Variants in PDE7B observed in about 807,000 individuals in gnomAD.
PDE7B encodes the protein phosphodiesterase 7B, also known as 3',5'-cyclic-AMP phosphodiesterase 7B.
PDE7B carries 29 observed loss-of-function variants against 56.2 expected under a neutral mutation model. The ratio of observed to expected loss-of-function variants is 0.52; its 90% CI spans 0.38 to 0.70. The LOEUF is 0.70. Among genes scored for constraint, PDE7B ranks in the 30% least tolerant of loss-of-function variants. PDE7B has a pLI of 0.00. For synonymous variants in PDE7B, 197 were observed against 196.9 expected (o/e 1.00, Z 0.00); for missense variants, 490 against 565.0 (o/e 0.87, Z 1.35).
chr6:136,136,050 T>G (rs557932690), intron 3 of PDE7B, among the ~76,000 whole-genome samples: 9 of 152,238 alleles, frequency 5.9e-5, no homozygotes, highest in African/African-American at 2.2e-4. Flanking sequence ...AAAATCCTCA[T>G]GTATGCTTTC....
chr6:135,919,398 A>T (rs955641284), intron 1 of PDE7B, among the ~76,000 whole-genome samples: 8 of 152,330 alleles, frequency 5.3e-5, no homozygotes, highest in Admixed American at 3.3e-4. Context: ...TTGCTAAGAA[A>T]AAAGAAATAT....
Position 136,116,266 on chromosome 6 carries a change from A to G in PDE7B, c.166+7452A>G, listed in dbSNP as rs73561327. Among the ~76,000 whole-genome samples, 968 of 152,352 alleles carry G rather than the reference A, an allele frequency of 6.4e-3. 6 individuals are homozygous for G. The highest frequency in any genetic ancestry group is 0.022 in the African/African-American group (896 of 41,582). ...GAGGACATAACGTCATTAAGTAGGA[A>G]GAAGGTCCAAAAAGTAGCAAATAAA... On this transcript the variant is annotated intron_variant, in intron 3 of 12. Coordinates refer to ENST00000308191, the MANE Select transcript of PDE7B (RefSeq NM_018945.4).
At chr6:135,886,741 C>T (rs9632502) in intron 1 of PDE7B, among the ~76,000 whole-genome samples, 18,559 of 152,090 alleles carry the variant, frequency 0.12, 2,644 homozygotes, top group African/African-American at 0.35. Context: ...TGTATATATA[C>T]TACATTTTCT....
chr6:136,041,089 T>G (rs576840576), intron 2 of PDE7B, among the ~76,000 whole-genome samples: 20 of 152,382 alleles, frequency 1.3e-4, no homozygotes, highest in African/African-American at 4.3e-4. Context: ...GATTTAACTT[T>G]TTTTAAACCA....
chr6:136,088,816 G>T (rs941601371), intron 2 of PDE7B, among the ~76,000 whole-genome samples: 4 of 152,208 alleles, frequency 2.6e-5, no homozygotes, highest in African/African-American at 9.6e-5. Flanking sequence ...CACTTTAAAT[G>T]AGTGAATTGT....
chr6:135,952,868 G>T (rs548020402), intron 2 of PDE7B, among the ~76,000 whole-genome samples: 22 of 152,220 alleles, frequency 1.4e-4, no homozygotes, highest in African/African-American at 5.1e-4. Flanking sequence ...ATAAAAGAGA[G>T]TTCTGGTCTC....
chr6:135,996,124 C>T (rs546064107), intron 2 of PDE7B, among the ~76,000 whole-genome samples: 7 of 152,114 alleles, frequency 4.6e-5, no homozygotes, highest in African/African-American at 7.2e-5. Context: ...ACCAAGAGAA[C>T]ATCAATTTCC....
At chr6:136,104,519 GAATT>G (rs1009243758) in intron 2 of PDE7B, among the ~76,000 whole-genome samples, 2 of 152,154 alleles carry the variant, frequency 1.3e-5, no homozygotes, top group African/African-American at 2.4e-5. Context: ...TGTTGTTACT[GAATT>G]AATTCTCTCT....
chr6:135,947,328 A>G (rs991600706), intron 1 of PDE7B, 136 bp from the exon 2 acceptor site: 37 of 696,282 alleles, frequency 5.3e-5, no homozygotes, highest in Non-Finnish European at 8.2e-5. Context: ...TGCTCATGAC[A>G]TAAGTCCCTA....
chr6:136,034,168 A>C (rs375114375), intron 2 of PDE7B: 1 of 152,212 alleles, frequency 6.6e-6, no homozygotes, highest in Non-Finnish European at 1.5e-5. Flanking sequence ...CATTCTCTAG[A>C]ATTGTTAGAA....
At chr6:135,876,206 C>T (rs1388875617) in intron 1 of PDE7B, among the ~76,000 whole-genome samples, 1 of 152,130 alleles carries the variant, frequency 6.6e-6, no homozygotes, top group Non-Finnish European at 1.5e-5. Context: ...AGCAGGAAGG[C>T]CTCAGCTGTA....
At chr6:135,861,930 T>C (rs1030554836) in intron 1 of PDE7B, among the ~76,000 whole-genome samples, 7 of 151,888 alleles carry the variant, frequency 4.6e-5, no homozygotes, top group African/African-American at 1.4e-4. Context: ...TTGTTACTGA[T>C]ACATAGAAAA....
chr6:136,157,868 A>T (rs1304460074), intron 8 of PDE7B, among the ~76,000 whole-genome samples: 1 of 152,188 alleles, frequency 6.6e-6, no homozygotes, highest in East Asian at 1.9e-4. Flanking sequence ...CTGAAAATGG[A>T]ATGTCCGGTG....
At chr6:136,170,253 T>A (rs1251442594) in intron 8 of PDE7B, among the ~76,000 whole-genome samples, 2 of 152,164 alleles carry the variant, frequency 1.3e-5, no homozygotes, top group African/African-American at 4.8e-5. Flanking sequence ...CCAAATTATT[T>A]TCCTTGCTTC....
chr6:135,980,146 A>G (rs1174887508), intron 2 of PDE7B, among the ~76,000 whole-genome samples: 6 of 152,208 alleles, frequency 3.9e-5, no homozygotes, highest in Admixed American at 3.9e-4. Flanking sequence ...GCATATCTAC[A>G]ACTATCTGAT....
At chr6:136,146,673 G>A (rs1234756501) in intron 3 of PDE7B, among the ~76,000 whole-genome samples, 1 of 152,116 alleles carries the variant, frequency 6.6e-6, no homozygotes, top group African/African-American at 2.4e-5. Context: ...TGTGGGATGA[G>A]AACTTGGCCT....
At chr6:136,026,878 T>G (rs988713780) in intron 2 of PDE7B, among the ~76,000 whole-genome samples, 7 of 152,252 alleles carry the variant, frequency 4.6e-5, no homozygotes, top group East Asian at 1.9e-4. Flanking sequence ...AATCTGCTAT[T>G]CACTGAATGT....
chr6:136,139,731 C>T (rs1399433382), intron 3 of PDE7B, among the ~76,000 whole-genome samples: 1 of 152,150 alleles, frequency 6.6e-6, no homozygotes, highest in Non-Finnish European at 1.5e-5. Flanking sequence ...TGATGACGAG[C>T]ATTTTTTCAC....
Position 136,175,807 on chromosome 6 carries a change from G to T in PDE7B, c.803+1919G>T, listed in dbSNP as rs1778967518. ...AAGTATTTGTAGATAAAAATTATTGGTCAGAAAGGTCTGAACTTTTAAGTT... is the reference window on the plus strand; with the variant it reads ...AAGTATTTGTAGATAAAAATTATTGTTCAGAAAGGTCTGAACTTTTAAGTT... On this transcript the variant is annotated intron_variant, in intron 9 of 12. Transcript: ENST00000308191. 1.8e-4 allele frequency among the ~76,000 whole-genome samples: 27 copies of T among 152,178 alleles called. No homozygotes were observed. In the South Asian group the frequency reaches 5.6e-3, roughly 32 times the overall value.
Sources: gnomAD v4.1 joint callset for allele counts (sites outside exome capture counted in the v4.1 genomes callset) on GRCh38, gnomAD v4.1.1 for gene constraint, MANE v1.5 for transcripts, NCBI Gene and HGNC (gene_info 2026-07-23, HGNC 2026-07-21) for gene names.